Variants in DGKB observed in about 807,000 individuals in gnomAD.
DGKB encodes the protein diacylglycerol kinase beta, also known as 90 kDa diacylglycerol kinase.
Under a neutral mutation model 114.3 loss-of-function variants are expected in DGKB, and 67 were observed. The ratio of observed to expected loss-of-function variants is 0.59; its 90% CI spans 0.48 to 0.72. DGKB has a LOEUF of 0.72. Among genes scored for constraint, DGKB ranks in the 30% least tolerant of loss-of-function variants. The pLI is 0.00. For synonymous variants in DGKB, 398 were observed against 323.1 expected, an observed-to-expected ratio of 1.23 and a Z score of -2.49; for missense variants, 907 against 975.2, an observed-to-expected ratio of 0.93 and a Z score of 0.93.
At chr7:14,414,008 C>T (rs543929081) in intron 21 of DGKB, among the ~76,000 whole-genome samples, 61 of 152,086 alleles carry the variant, frequency 4.0e-4, no homozygotes, top group Non-Finnish European at 7.9e-4. Context: ...AATATTTATG[C>T]GGTTTTAACA....
chr7:14,692,148 T>C (rs1822982591), intron 9 of DGKB, among the ~76,000 whole-genome samples: 1 of 151,816 alleles, frequency 6.6e-6, no homozygotes, highest in South Asian at 2.1e-4. Flanking sequence ...ATAAATTAAA[T>C]AATAAATAAT....
At chr7:14,790,102 T>C (rs1468703092) in intron 2 of DGKB, among the ~76,000 whole-genome samples, 2 of 152,228 alleles carry the variant, frequency 1.3e-5, no homozygotes, top group Non-Finnish European at 2.9e-5. Flanking sequence ...CAGGACAATA[T>C]CTGTTCATGC....
At chr7:14,605,906 A>T (rs1804416433) in intron 17 of DGKB, among the ~76,000 whole-genome samples, 1 of 152,156 alleles carries the variant, frequency 6.6e-6, no homozygotes, top group Non-Finnish European at 1.5e-5. Context: ...CTATCCTATA[A>T]GGCAGGCAGA....
rs62443313 is a variant in DGKB, at chr7:14,463,681, T to C, written c.1835+14480A>G. On this transcript the variant is annotated intron_variant, in intron 21 of 25. Coordinates refer to ENST00000402815, the MANE Select transcript of DGKB (RefSeq NM_001350709.2). Reference sequence around the variant, plus strand: ...TATTAGCCTTGCATCAAATGAGTATTTATCTAGACAGAATGTTTAGTAAAT... The same window carrying C: ...TATTAGCCTTGCATCAAATGAGTATCTATCTAGACAGAATGTTTAGTAAAT... Among the ~76,000 whole-genome samples the C allele has an allele frequency of 5.3e-3, 805 of 152,302 alleles. 5 individuals carry two copies. The highest frequency in any genetic ancestry group is 0.017 in the Middle Eastern group (5 of 294).
intron 23 of DGKB, among the ~76,000 whole-genome samples, chr7:14,239,297 A>G (rs1245769712): frequency 1.3e-5 from 1 of 78,656 alleles, no homozygotes; most frequent in Admixed American, 1.2e-4. Context: ...GCTGATTTCA[A>G]AAAGTTTTTT....
intron 5 of DGKB, among the ~76,000 whole-genome samples, chr7:14,725,966 A>G (rs957655772): frequency 5.3e-5 from 8 of 152,170 alleles, no homozygotes; most frequent in Non-Finnish European, 1.0e-4. Flanking sequence ...ACACAATACT[A>G]TTTCAAATGA....
intron 23 of DGKB, among the ~76,000 whole-genome samples, chr7:14,291,734 A>G (rs1280458424): frequency 6.6e-6 from 1 of 152,212 alleles, no homozygotes; most frequent in Non-Finnish European, 1.5e-5. Flanking sequence ...TACAGTGAAT[A>G]CCAGGAATGC....
intron 13 of DGKB, among the ~76,000 whole-genome samples, chr7:14,645,065 T>A (rs1812656738): frequency 6.6e-6 from 1 of 152,150 alleles, no homozygotes; most frequent in South Asian, 2.1e-4. Context: ...CTTGATTGGT[T>A]CCTTCTGAAT....
At chr7:14,401,551 T>G (rs1823103178) in intron 21 of DGKB, among the ~76,000 whole-genome samples, 1 of 151,902 alleles carries the variant, frequency 6.6e-6, no homozygotes, top group South Asian at 2.1e-4. Flanking sequence ...CAGCTCTGGC[T>G]GACAGGAATA....
At chr7:14,352,783 C>T (rs900609227) in intron 21 of DGKB, among the ~76,000 whole-genome samples, 1 of 151,840 alleles carries the variant, frequency 6.6e-6, no homozygotes, top group African/African-American at 2.4e-5. Context: ...ATTAGCCCAG[C>T]GTGGTGGCGC....
intron 1 of DGKB, among the ~76,000 whole-genome samples, chr7:14,886,865 C>T (rs1855147913): frequency 6.6e-6 from 1 of 151,868 alleles, no homozygotes; most frequent in Non-Finnish European, 1.5e-5. Flanking sequence ...CAGCCTTGCG[C>T]CATCTGACTC....
At chr7:14,250,603 G>C (rs1229523392) in intron 23 of DGKB, among the ~76,000 whole-genome samples, 1 of 152,124 alleles carries the variant, frequency 6.6e-6, no homozygotes, top group Admixed American at 6.5e-5. Flanking sequence ...CCCTTGAACA[G>C]AATGTGCATT....
At chr7:14,352,838 G>T (rs1813729990) in intron 21 of DGKB, among the ~76,000 whole-genome samples, 2 of 152,062 alleles carry the variant, frequency 1.3e-5, no homozygotes, top group South Asian at 2.1e-4. Flanking sequence ...CAGGAGAATC[G>T]TCTGAACCCG....
At chr7:14,339,136 C>T (rs1255256720) in intron 22 of DGKB, among the ~76,000 whole-genome samples, 2 of 150,818 alleles carry the variant, frequency 1.3e-5, no homozygotes, top group Non-Finnish European at 1.5e-5. Flanking sequence ...GGGGAAAGTA[C>T]AGAAAGCAGA....
chr7:14,214,871 C>T (rs745674346), intron 23 of DGKB, among the ~76,000 whole-genome samples: 1 of 152,082 alleles, frequency 6.6e-6, no homozygotes, highest in Non-Finnish European at 1.5e-5. Context: ...AAGGCCAATG[C>T]CTGCCTCACC....
chr7:14,178,127 A>C lies in DGKB; in HGVS notation c.2147T>G (p.Val716Gly), dbSNP rs761755283. ...SQDLSDQLLEVVGLEGAMEMG... is the reference protein window; with the variant it reads ...SQDLSDQLLEGVGLEGAMEMG... Reference sequence around the variant, plus strand: ...CTCCATGGCTCCTTCCAAGCCGACCACCTCCAGCAGCTGGTCACTGAGATC... The same window carrying C: ...CTCCATGGCTCCTTCCAAGCCGACCCCCTCCAGCAGCTGGTCACTGAGATC... The change falls in exon 24 of 26, where the codon GTG (valine) becomes GGG (glycine). Residue 716 changes from valine (V) to glycine (G), a missense_variant. Val to Gly is a moderately radical substitution (Grantham distance 109). Coordinates refer to ENST00000402815, the MANE Select transcript of DGKB (RefSeq NM_001350709.2). 6.2e-7 allele frequency: 1 copy of C among 1,613,430 alleles called. No individual in the cohort carries two copies. Among genetic ancestry groups the C allele is most frequent in the South Asian group, 1.1e-5 (1 of 91,064 alleles).
chr7:14,429,283 G>T (rs1368678658), intron 21 of DGKB, among the ~76,000 whole-genome samples: 1 of 152,044 alleles, frequency 6.6e-6, no homozygotes, highest in Admixed American at 6.6e-5. Flanking sequence ...GATTAGTGGT[G>T]CCATAAGAAG....
intron 23 of DGKB, among the ~76,000 whole-genome samples, chr7:14,291,012 C>T (rs1370705048): frequency 1.3e-5 from 2 of 151,784 alleles, no homozygotes; most frequent in Admixed American, 1.3e-4. Flanking sequence ...TGTGGTGGCA[C>T]ACGCCTGTAA....
At chr7:14,275,164 T>G in intron 23 of DGKB, among the ~76,000 whole-genome samples, 1 of 152,322 alleles carries the variant, frequency 6.6e-6, no homozygotes, top group East Asian at 1.9e-4. Context: ...ACTTAAGTTC[T>G]ATGTTTATTC....
Sources: gnomAD v4.1 joint callset for allele counts (sites outside exome capture counted in the v4.1 genomes callset) on GRCh38, gnomAD v4.1.1 for gene constraint, MANE v1.5 for transcripts, NCBI Gene and HGNC (gene_info 2026-07-23, HGNC 2026-07-21) for gene names.